Variants in CASR observed in about 807,000 individuals in gnomAD.
The protein encoded by CASR is calcium sensing receptor.
A neutral mutation model predicts 69.1 loss-of-function variants in CASR; 23 were observed. That is an observed-to-expected ratio of 0.33 (90% CI 0.24 to 0.47). CASR has a LOEUF of 0.47. Ranked by LOEUF, CASR falls within the 20% of genes least tolerant of loss-of-function variation. CASR has a pLI of 1.00. For missense variants in CASR, 924 were observed against 1,356.1 expected, an observed-to-expected ratio of 0.68 and a Z score of 5.00; for synonymous variants, 541 against 544.7, an observed-to-expected ratio of 0.99 and a Z score of 0.10.
chr3:122,216,651 A>G (rs903806140), intron 1 of CASR, among the ~76,000 whole-genome samples: 2 of 152,368 alleles, frequency 1.3e-5, no homozygotes, highest in African/African-American at 4.8e-5. Flanking sequence ...AGTGGTTGAA[A>G]GGACTAAACT....
chr3:122,210,108 A>G (rs541559599), intron 1 of CASR, among the ~76,000 whole-genome samples: 2 of 152,346 alleles, frequency 1.3e-5, no homozygotes, highest in Non-Finnish European at 2.9e-5. Context: ...AGAGCTATTT[A>G]TGGCAAACCC....
intron 1 of CASR, chr3:122,247,823 C>G (rs1406773604): frequency 6.6e-6 from 1 of 152,506 alleles, no homozygotes; most frequent in Non-Finnish European, 1.5e-5. Context: ...TCTGTTTCCC[C>G]ACTTTGCTCT....
chr3:122,283,960 T>C lies in CASR; in HGVS notation c.2006T>C (p.Ile669Thr), dbSNP rs2107649763. The change falls in exon 7 of 7, where the codon ATC (isoleucine) becomes ACC (threonine). Residue 669 changes from isoleucine to threonine, a missense_variant. Physicochemically the swap from Ile to Thr is moderately conservative, Grantham distance 89 (BLOSUM62 -1). Coordinates refer to ENST00000639785, the MANE Select transcript of CASR (RefSeq NM_000388.4). ...TGCTTCTCCAGCTCCCTGTTCTTCA[T>C]CGGGGAGCCCCAGGACTGGACGTGC... ...LCCFSSSLFFIGEPQDWTCRL... is the reference protein window; with the variant it reads ...LCCFSSSLFFTGEPQDWTCRL... 6.2e-7 allele frequency: 1 copy of C among 1,613,612 alleles called. No individual in the cohort carries two copies. Among genetic ancestry groups the C allele is most frequent in the African/African-American group, 1.3e-5 (1 of 75,022 alleles).
chr3:122,200,776 G>A (rs1208655595), intron 1 of CASR, among the ~76,000 whole-genome samples: 1 of 152,050 alleles, frequency 6.6e-6, no homozygotes, highest in Non-Finnish European at 1.5e-5. Flanking sequence ...ATGCTTATTA[G>A]ACAATGCAAA....
chr3:122,261,491 T>C, intron 3 of CASR, 37 bp from the exon 4 acceptor site: 1 of 1,605,526 alleles, frequency 6.2e-7, no homozygotes, highest in South Asian at 1.1e-5. Flanking sequence ...CTTCACTCAC[T>C]CACTCACTCA....
chr3:122,203,528 G>T (rs2073977897), intron 1 of CASR, among the ~76,000 whole-genome samples: 1 of 152,040 alleles, frequency 6.6e-6, no homozygotes, highest in Non-Finnish European at 1.5e-5. Context: ...TAAACATATA[G>T]AAACATAGAA....
intron 1 of CASR, among the ~76,000 whole-genome samples, chr3:122,230,270 C>T (rs2074266216): frequency 6.6e-6 from 1 of 152,228 alleles, no homozygotes; most frequent in East Asian, 1.9e-4. Flanking sequence ...AGCGATGACG[C>T]CTCGCGGTGA....
intron 1 of CASR, among the ~76,000 whole-genome samples, chr3:122,227,842 G>A (rs866166469): frequency 3.9e-5 from 6 of 152,258 alleles, no homozygotes; most frequent in Admixed American, 6.5e-5. Context: ...CAATTTACCC[G>A]TGTAACAAAC....
Position 122,257,141 on chromosome 3 carries a change from C to T in CASR, c.246C>T (p.Asn82=), listed in dbSNP as rs1284199644. 1.2e-6 allele frequency: 2 copies of T among 1,614,104 alleles called. No homozygotes were observed. The highest frequency in any genetic ancestry group is 1.7e-6 in the Non-Finnish European group (2 of 1,179,958). ...QAMIFAIEEI[N]SSPALLPNLT... ...TGATATTTGCCATAGAGGAGATAAA[C>T]AGCAGCCCAGCCCTTCTTCCCAACT... The change falls in exon 3 of 7, where the codon AAC becomes AAT. Residue 82 remains asparagine (N), a synonymous_variant. Transcript: ENST00000639785.
chr3:122,255,522 A>G (rs1436391810), intron 2 of CASR, among the ~76,000 whole-genome samples: 1 of 152,250 alleles, frequency 6.6e-6, no homozygotes, highest in Non-Finnish European at 1.5e-5. Flanking sequence ...TATCCTTCAC[A>G]TAACCCATGT....
At position 122,289,696 on chromosome 3, in the gene CASR, A is replaced by G. The variant is rs979737462; in HGVS notation, c.*4505A>G. The G allele has an allele frequency of 2.0e-5, 3 of 152,444 alleles. No individual in the cohort carries two copies. The highest frequency in any genetic ancestry group is 4.4e-5 in the Non-Finnish European group (3 of 68,256). 9.4% of individuals were successfully genotyped at this position (152,444 alleles called of 1,614,324 possible). On this transcript the variant is annotated 3_prime_UTR_variant, in exon 7 of 7. Coordinates refer to ENST00000639785, the MANE Select transcript of CASR (RefSeq NM_000388.4). Reference sequence around the variant, plus strand: ...AGGGGAACCTTCTCCTCTGTTGGGAATAACCACCACATTCATCCCCTCCCC... The same window carrying G: ...AGGGGAACCTTCTCCTCTGTTGGGAGTAACCACCACATTCATCCCCTCCCC...
At position 122,284,713 on chromosome 3, in the gene CASR, G is replaced by A. The variant is rs767241288; in HGVS notation, c.2759G>A (p.Ser920Asn). Residue 920 changes from serine to asparagine, a missense_variant, in exon 7 of 7, where the codon AGC (serine) becomes AAC (asparagine). Around this residue, in one of 8 missense-constraint regions of CASR, gnomAD observed 201 missense variants for 228.8 expected, o/e 0.88. Transcript: ENST00000639785. ...PSSSISSKSN[S>N]EDPFPQPERQ... is the part of the protein sequence containing the mutation. ...TCCTCCATCAGCAGCAAGAGCAACA[G>A]CGAAGACCCATTCCCACAGCCCGAG... The A allele has an allele frequency of 6.2e-7, 1 of 1,614,122 alleles. No homozygotes were observed. Among genetic ancestry groups the A allele is most frequent in the Non-Finnish European group, 8.5e-7 (1 of 1,179,970 alleles).
intron 1 of CASR, among the ~76,000 whole-genome samples, chr3:122,220,053 T>C (rs1227791041): frequency 6.6e-6 from 1 of 152,240 alleles, no homozygotes; most frequent in Non-Finnish European, 1.5e-5. Flanking sequence ...TTGTGTCTAC[T>C]GCGATGAGCG....
intron 1 of CASR, among the ~76,000 whole-genome samples, chr3:122,244,178 A>T (rs4678059): frequency 0.85 from 130,005 of 152,144 alleles, 55,969 homozygotes; most frequent in Admixed American, 0.89. Context: ...ACTAAAAGAA[A>T]ATAATTGGAT....
intron 4 of CASR, among the ~76,000 whole-genome samples, chr3:122,270,865 T>C (rs192127274): frequency 6.6e-6 from 1 of 152,316 alleles, no homozygotes; most frequent in East Asian, 1.9e-4. Context: ...ACATATTTTG[T>C]TTGATTTTAA....
At chr3:122,235,926 T>C (rs144541563) in intron 1 of CASR, among the ~76,000 whole-genome samples, 297 of 152,318 alleles carry the variant, frequency 1.9e-3, no homozygotes, top group Admixed American at 4.0e-3. Context: ...GCTTTCAAAC[T>C]TCTTAAAACA....
intron 1 of CASR, among the ~76,000 whole-genome samples, chr3:122,189,661 A>T (rs1223547083): frequency 6.6e-6 from 1 of 152,188 alleles, no homozygotes; most frequent in African/African-American, 2.4e-5. Context: ...AATTACTAAC[A>T]AATAGAAAAA....
chr3:122,186,546 T>A (rs1049862500), intron 1 of CASR, among the ~76,000 whole-genome samples: 5 of 152,232 alleles, frequency 3.3e-5, no homozygotes, highest in African/African-American at 1.2e-4. Context: ...GGGAACTAAC[T>A]GGTATATAAA....
chr3:122,232,172 G>C (rs1014374565), intron 1 of CASR, among the ~76,000 whole-genome samples: 2 of 152,068 alleles, frequency 1.3e-5, no homozygotes, highest in African/African-American at 2.4e-5. Context: ...ACTATAAAAA[G>C]AATTCTAGTG....
Sources: gnomAD v4.1 joint callset for allele counts (sites outside exome capture counted in the v4.1 genomes callset) on GRCh38, gnomAD v4.1.1 for gene constraint, gnomAD v4.1.1 regional missense constraint, MANE v1.5 for transcripts, NCBI Gene and HGNC (gene_info 2026-07-23, HGNC 2026-07-21) for gene names.